ARHGEF3: variants seen among roughly 807,000 people sequenced by gnomAD.
ARHGEF3 encodes the protein 59.8 kDA protein.
ARHGEF3 carries 28 observed loss-of-function variants against 63.2 expected under a neutral mutation model. The ratio of observed to expected loss-of-function variants is 0.44; its 90% confidence interval spans 0.33 to 0.61. The LOEUF is 0.61. Ranked by LOEUF, ARHGEF3 falls within the 20% of genes least tolerant of loss-of-function variation. The probability of loss-of-function intolerance (pLI) is 0.03; values close to 1 mark genes in which losing one functional copy is unlikely to be tolerated. For synonymous variants in ARHGEF3, 266 were observed against 254.2 expected (o/e 1.05, Z -0.44); for missense variants, 533 against 659.3 (o/e 0.81, Z 2.10).
chr3:56,881,666 A>G (rs148204976), intron 4 of ARHGEF3, among the ~76,000 whole-genome samples: 7 of 152,326 alleles, frequency 4.6e-5, no homozygotes, highest in Admixed American at 3.3e-4. Flanking sequence ...AAAATGAGGC[A>G]AATATTTGGT....
chr3:56,936,746 G>A (rs1698924840), intron 3 of ARHGEF3, among the ~76,000 whole-genome samples: 1 of 152,108 alleles, frequency 6.6e-6, no homozygotes, highest in Non-Finnish European at 1.5e-5. Context: ...TTGAGACAGG[G>A]TCTCACTCCA....
intron 4 of ARHGEF3, among the ~76,000 whole-genome samples, chr3:56,856,250 G>A (rs1026760094): frequency 6.6e-6 from 1 of 152,144 alleles, no homozygotes; most frequent in African/African-American, 2.4e-5. Flanking sequence ...AGAGGAACAG[G>A]ATAAAGAGAA....
intron 4 of ARHGEF3, among the ~76,000 whole-genome samples, chr3:56,879,885 C>T (rs1419572256): frequency 6.6e-6 from 1 of 152,210 alleles, no homozygotes; most frequent in African/African-American, 2.4e-5. Flanking sequence ...ACATCTTCTC[C>T]TGTGTGGCTC....
At chr3:56,779,288 T>C (rs985529494) in intron 1 of ARHGEF3, among the ~76,000 whole-genome samples, 2 of 152,180 alleles carry the variant, frequency 1.3e-5, no homozygotes, top group Non-Finnish European at 2.9e-5. Context: ...TAAAAAGTGA[T>C]ATAATGCCTG....
chr3:56,981,192 G>A (rs938172809), intron 2 of ARHGEF3, among the ~76,000 whole-genome samples: 3 of 152,198 alleles, frequency 2.0e-5, no homozygotes, highest in African/African-American at 7.2e-5. Context: ...TCTGCTTGGT[G>A]TCTTGGAAAC....
At chr3:56,961,955 A>C (rs1378442888) in intron 2 of ARHGEF3, among the ~76,000 whole-genome samples, 1 of 152,166 alleles carries the variant, frequency 6.6e-6, no homozygotes, top group Admixed American at 6.5e-5. Flanking sequence ...TGAGGTAGGA[A>C]GATTGCTTAA....
intron 2 of ARHGEF3, among the ~76,000 whole-genome samples, chr3:57,020,503 G>C (rs1368136488): frequency 6.6e-6 from 1 of 152,134 alleles, no homozygotes; most frequent in East Asian, 1.9e-4. Flanking sequence ...CTCCACCCCC[G>C]AGTTCCAGAG....
intron 3 of ARHGEF3, among the ~76,000 whole-genome samples, chr3:56,955,543 C>T (rs1042025379): frequency 6.6e-6 from 1 of 152,186 alleles, no homozygotes; most frequent in Non-Finnish European, 1.5e-5. Flanking sequence ...ATTGCAAATG[C>T]TGATAATACA....
intron 2 of ARHGEF3, among the ~76,000 whole-genome samples, chr3:56,971,409 C>G (rs771941352): frequency 1.2e-4 from 18 of 152,034 alleles, no homozygotes; most frequent in Non-Finnish European, 7.4e-5. Flanking sequence ...ACTTTTGGAA[C>G]AAAAAGGCCC....
chr3:57,035,194 A>C, intron 1 of ARHGEF3: 1 of 1,380,236 alleles, frequency 7.2e-7, no homozygotes, highest in South Asian at 1.5e-5. Context: ...AAAAAGCAAA[A>C]CAACCAACAT....
At chr3:56,791,892 C>T (rs2037095018) in intron 1 of ARHGEF3, among the ~76,000 whole-genome samples, 1 of 151,114 alleles carries the variant, frequency 6.6e-6, no homozygotes, top group African/African-American at 2.4e-5. Context: ...CAGTCCTTGC[C>T]TTGTCCAGCT....
chr3:57,061,088 G>T (rs1196539016), intron 1 of ARHGEF3, among the ~76,000 whole-genome samples: 1 of 151,958 alleles, frequency 6.6e-6, no homozygotes, highest in Non-Finnish European at 1.5e-5. Flanking sequence ...GAACTTTGTT[G>T]TCATTCTAAA....
rs1473609038 is a variant in ARHGEF3 at position 56,753,561 on chromosome 3, G to A, written c.381C>T (p.Ile127=). ...TSKEIKRQEA[I]FELSQGEEDL... Reference sequence around the variant, plus strand: ...CTTCTTCTCCTTGGGAAAGCTCAAAGATCGCCTGCAAGGAAAGATAAACAT... The same window carrying A: ...CTTCTTCTCCTTGGGAAAGCTCAAAAATCGCCTGCAAGGAAAGATAAACAT... The change falls in exon 4 of 10, where the codon ATC becomes ATT. Residue 127 remains isoleucine, a synonymous_variant. Coordinates refer to ENST00000296315, the MANE Select transcript of ARHGEF3 (RefSeq NM_019555.3). 4.3e-6 allele frequency: 7 copies of A among 1,613,410 alleles called. No homozygotes were observed. The highest frequency in any genetic ancestry group is 5.9e-6 in the Non-Finnish European group (7 of 1,179,832).
chr3:56,935,344 C>T (rs542279935), intron 3 of ARHGEF3, among the ~76,000 whole-genome samples: 20 of 152,166 alleles, frequency 1.3e-4, no homozygotes, highest in Non-Finnish European at 2.4e-4. Flanking sequence ...ACAGACCACT[C>T]GGCTCTACCA....
At chr3:56,905,598 T>C (rs917049833) in intron 3 of ARHGEF3, among the ~76,000 whole-genome samples, 13 of 152,248 alleles carry the variant, frequency 8.5e-5, no homozygotes, top group African/African-American at 3.1e-4. Context: ...AACAGAACTG[T>C]TGGGGTCAAG....
At chr3:56,884,691 T>C (rs997491683) in intron 3 of ARHGEF3, among the ~76,000 whole-genome samples, 1 of 152,222 alleles carries the variant, frequency 6.6e-6, no homozygotes, top group Non-Finnish European at 1.5e-5. Context: ...AAGATGCTGA[T>C]CACAACTCCG....
chr3:57,043,322 G>C (rs983803485), intron 1 of ARHGEF3, among the ~76,000 whole-genome samples: 1 of 150,440 alleles, frequency 6.6e-6, no homozygotes, highest in Admixed American at 6.6e-5. Flanking sequence ...TCACCACGTT[G>C]ATTAGGCTGG....
At chr3:56,899,956 G>A (rs1229485606) in intron 3 of ARHGEF3, among the ~76,000 whole-genome samples, 4 of 152,186 alleles carry the variant, frequency 2.6e-5, no homozygotes, top group Admixed American at 6.5e-5. Flanking sequence ...GTGCTTGGGC[G>A]ACCCAAAAGC....
At chr3:56,944,784 G>GTTTTA in intron 3 of ARHGEF3, among the ~76,000 whole-genome samples, 1 of 151,860 alleles carries the variant, frequency 6.6e-6, no homozygotes, top group Non-Finnish European at 1.5e-5. Context: ...TCACCATGCT[G>GTTTTA]GCCAGGTTGG....
Sources: gnomAD v4.1 joint callset for allele counts (sites outside exome capture counted in the v4.1 genomes callset) on GRCh38, gnomAD v4.1.1 for gene constraint, MANE v1.5 for transcripts, NCBI Gene and HGNC (gene_info 2026-07-23, HGNC 2026-07-21) for gene names.